Variants in RANBP17 observed in about 807,000 individuals in gnomAD.
RANBP17 encodes the protein ran-binding protein 17.
A neutral mutation model predicts 141.2 loss-of-function variants in RANBP17; 158 were observed. The observed-to-expected ratio is 1.12, with a 90% CI of 0.98 to 1.28. The LOEUF is 1.28. Among genes scored for constraint, RANBP17 ranks in the 50% most tolerant of loss-of-function variants. The pLI is 0.00. For synonymous variants in RANBP17, 430 were observed against 450.0 expected (o/e 0.96, Z 0.56); for missense variants, 1,438 against 1,290.7 (o/e 1.11, Z -1.75).
At chr5:170,902,007 G>C (rs1170135448) in intron 5 of RANBP17, among the ~76,000 whole-genome samples, 1 of 152,102 alleles carries the variant, frequency 6.6e-6, no homozygotes, top group African/African-American at 2.4e-5. Context: ...TCTTGGGGTT[G>C]CTCTTCTCTA....
At chr5:171,277,645 A>ATGTG (rs1469521365) in intron 25 of RANBP17, among the ~76,000 whole-genome samples, 1 of 120,624 alleles carries the variant, frequency 8.3e-6, no homozygotes, top group Admixed American at 8.3e-5. Flanking sequence ...ATGTATATAT[A>ATGTG]TATATATATA....
chr5:171,014,370 A>G (rs2127594223), intron 14 of RANBP17, among the ~76,000 whole-genome samples: 1 of 151,844 alleles, frequency 6.6e-6, no homozygotes, highest in African/African-American at 2.4e-5. Flanking sequence ...TTCCCTTTTT[A>G]TCTGTTTTAT....
rs1781866445 is a variant in RANBP17, at chr5:171,036,104, A to T, written c.1710+67727A>T. Among the ~76,000 whole-genome samples the T allele has an allele frequency of 2.0e-5, 3 of 152,204 alleles. No individual in the cohort carries two copies. In the South Asian group the frequency reaches 6.2e-4, roughly 32 times the overall value. ...TACAACAAAATATTCAAGCTATTTT[A>T]TTGGCCAAGCTGGTGTCGAACTCCT... On this transcript the variant is annotated intron_variant, in intron 14 of 27. Coordinates refer to ENST00000523189, the MANE Select transcript of RANBP17 (RefSeq NM_022897.5).
intron 14 of RANBP17, among the ~76,000 whole-genome samples, chr5:171,019,434 G>A (rs1780693467): frequency 6.6e-6 from 1 of 152,072 alleles, no homozygotes; most frequent in Non-Finnish European, 1.5e-5. Context: ...CTAAATTTTG[G>A]AGCTTGTTAT....
At chr5:170,943,297 C>T (rs957671364) in intron 12 of RANBP17, among the ~76,000 whole-genome samples, 6 of 152,018 alleles carry the variant, frequency 3.9e-5, no homozygotes, top group Admixed American at 2.0e-4. Context: ...TTTAATGTTA[C>T]AAAATAAGTT....
chr5:171,065,066 C>T (rs1282731160), intron 14 of RANBP17, among the ~76,000 whole-genome samples: 1 of 152,090 alleles, frequency 6.6e-6, no homozygotes, highest in Non-Finnish European at 1.5e-5. Flanking sequence ...GAACCCTTTC[C>T]TTACAGATGG....
intron 14 of RANBP17, among the ~76,000 whole-genome samples, chr5:171,024,261 G>A (rs1007176232): frequency 6.6e-6 from 1 of 152,066 alleles, no homozygotes; most frequent in African/African-American, 2.4e-5. Flanking sequence ...CTTTAAATAG[G>A]AAAAACATGA....
chr5:170,924,675 C>A, intron 12 of RANBP17, 125 bp downstream of exon 12: 1 of 606,918 alleles, frequency 1.6e-6, no homozygotes, highest in Non-Finnish European at 2.6e-6. Context: ...CCCTAATAAA[C>A]CATTAATTTT....
intron 16 of RANBP17, 94 bp from the exon 17 acceptor site, chr5:171,183,073 A>G (rs1035206314): frequency 9.1e-6 from 6 of 657,364 alleles, no homozygotes; most frequent in Non-Finnish European, 1.6e-5. Flanking sequence ...TTTTATAAGT[A>G]GAAATTGATG....
intron 25 of RANBP17, among the ~76,000 whole-genome samples, chr5:171,283,190 T>G (rs1269254990): frequency 1.3e-5 from 2 of 152,236 alleles, no homozygotes; most frequent in Admixed American, 1.3e-4. Context: ...GCCCCTTGTG[T>G]AAGCTTCTGT....
intron 25 of RANBP17, chr5:171,271,081 T>TTTTTTTTTTTTTTTC (rs1767084404): frequency 1.8e-5 from 1 of 54,750 alleles, no homozygotes; most frequent in African/African-American, 6.9e-5. Flanking sequence ...ATTTCTTTTT[T>TTTTTTTTTTTTTTTC]TTTTTTTTTT....
intron 14 of RANBP17, among the ~76,000 whole-genome samples, chr5:171,078,754 C>T (rs1239226147): frequency 6.6e-6 from 1 of 152,182 alleles, no homozygotes; most frequent in African/African-American, 2.4e-5. Flanking sequence ...TTTAAGCCCA[C>T]TGTTGAGACC....
chr5:170,911,291 G>C, intron 7 of RANBP17, 157 bp downstream of exon 7: 1 of 639,144 alleles, frequency 1.6e-6, no homozygotes, highest in Non-Finnish European at 2.7e-6. Context: ...ATATTGAAAT[G>C]TTTTCTGTAA....
intron 14 of RANBP17, among the ~76,000 whole-genome samples, chr5:171,070,849 A>T (rs1270023568): frequency 6.6e-6 from 1 of 152,030 alleles, no homozygotes; most frequent in Non-Finnish European, 1.5e-5. Context: ...TTATTTACAC[A>T]TTTAGTTTTG....
intron 15 of RANBP17, 91 bp from the exon 16 acceptor site, chr5:171,171,115 A>C: frequency 1.5e-6 from 1 of 686,514 alleles, no homozygotes; most frequent in East Asian, 2.7e-5. Flanking sequence ...GATTTAGGTC[A>C]TCAAACTTAC....
chr5:170,994,006 C>T (rs115205555), intron 14 of RANBP17, among the ~76,000 whole-genome samples: 228 of 152,152 alleles, frequency 1.5e-3, no homozygotes, highest in East Asian at 2.9e-3. Context: ...CTACCTTAAA[C>T]GATCCTTAGC....
intron 8 of RANBP17, 98 bp from the exon 9 acceptor site, chr5:170,916,367 T>C (rs1771969210): frequency 1.2e-6 from 1 of 856,662 alleles, no homozygotes; most frequent in Admixed American, 2.8e-5. Flanking sequence ...CTATAATGCA[T>C]TAAAATTAAA....
chr5:171,184,858 C>T (rs1316143300), intron 18 of RANBP17, among the ~76,000 whole-genome samples: 1 of 152,086 alleles, frequency 6.6e-6, no homozygotes, highest in Non-Finnish European at 1.5e-5. Flanking sequence ...ATGTACATAT[C>T]TTAATTTAAA....
At chr5:171,035,729 C>CTTTTT (rs1781831017) in intron 14 of RANBP17, among the ~76,000 whole-genome samples, 1 of 72,392 alleles carries the variant, frequency 1.4e-5, no homozygotes, top group African/African-American at 5.2e-5. Context: ...CTGTTTGTTT[C>CTTTTT]TTTTTTTGTT....
Sources: gnomAD v4.1 joint callset for allele counts (sites outside exome capture counted in the v4.1 genomes callset) on GRCh38, gnomAD v4.1.1 for gene constraint, MANE v1.5 for transcripts, NCBI Gene and HGNC (gene_info 2026-07-23, HGNC 2026-07-21) for gene names.